Variants in ZC3H7A observed in about 807,000 individuals in gnomAD.
ZC3H7A encodes the protein zinc finger CCCH-type containing 7A.
In ZC3H7A, 44 loss-of-function variants were observed where a neutral mutation model predicts 125.5. The ratio of observed to expected loss-of-function variants is 0.35; its 90% CI spans 0.28 to 0.45. The LOEUF (loss-of-function observed/expected upper bound fraction) is 0.45. Among genes scored for constraint, ZC3H7A ranks in the 20% least tolerant of loss-of-function variants. The pLI is 1.00. For missense variants in ZC3H7A, 977 were observed against 1,170.7 expected, an observed-to-expected ratio of 0.83 and a Z score of 2.41; for synonymous variants, 399 against 391.2, an observed-to-expected ratio of 1.02 and a Z score of -0.23.
chr16:11,780,127 CTT>C (rs71406291), intron 3 of ZC3H7A, among the ~76,000 whole-genome samples: 5 of 141,454 alleles, frequency 3.5e-5, no homozygotes, highest in Admixed American at 2.1e-4. Flanking sequence ...TTTTTCTTTT[CTT>C]TTTTTTTTTT....
At chr16:11,787,979 G>A (rs1596404935) in intron 1 of ZC3H7A, among the ~76,000 whole-genome samples, 2 of 151,938 alleles carry the variant, frequency 1.3e-5, no homozygotes, top group South Asian at 4.1e-4. Context: ...GGGATTACAG[G>A]TGTGAGCCCC....
intron 22 of ZC3H7A, among the ~76,000 whole-genome samples, chr16:11,751,909 T>G (rs952783548): frequency 6.6e-6 from 1 of 150,864 alleles, no homozygotes; most frequent in Non-Finnish European, 1.5e-5. Flanking sequence ...AAACCTTTTT[T>G]TTTTTTTTTT....
Position 11,765,041 on chromosome 16 carries a change from C to A in ZC3H7A, c.1820+12G>T. On this transcript the variant is annotated intron_variant, in intron 15 of 22. Coordinates refer to ENST00000355758, the MANE Select transcript of ZC3H7A (RefSeq NM_014153.4). The surrounding 1 kb of genome is among the most constrained non-coding windows in gnomAD (Gnocchi z 4.8). The stretch of plus-strand genomic sequence containing the variant: ...ATTTTGTCATTACAGAAATTAGAAA[C>A]TATCAACATACTTATTGTCTTCAAA... 2.0e-6 allele frequency: 3 copies of A among 1,509,048 alleles called. No homozygotes were observed. The highest frequency in any genetic ancestry group is 2.7e-6 in the Non-Finnish European group (3 of 1,113,302). The allele number at this position is 1,509,048 out of a possible 1,614,324, so 93.5% of individuals were successfully genotyped here.
At chr16:11,767,349 TTAAGC>T in intron 13 of ZC3H7A, 63 bp downstream of exon 13, 1 of 1,228,722 alleles carries the variant, frequency 8.1e-7, no homozygotes, top group Non-Finnish European at 1.1e-6. Context: ...TATCCTGTCA[TTAAGC>T]TAAGCATGAC....
chr16:11,788,840 C>A (rs1417464879), intron 1 of ZC3H7A, among the ~76,000 whole-genome samples: 1 of 152,110 alleles, frequency 6.6e-6, no homozygotes. Context: ...TCTCGAACTC[C>A]TGACCTCGTG....
intron 18 of ZC3H7A, 148 bp downstream of exon 18, chr16:11,761,762 A>G (rs1200692484): frequency 8.7e-7 from 1 of 1,149,698 alleles, no homozygotes; most frequent in Non-Finnish European, 1.2e-6. Flanking sequence ...GGTCCTAAAA[A>G]TCTCTTCCCT....
intron 22 of ZC3H7A, among the ~76,000 whole-genome samples, chr16:11,751,730 A>G (rs1204507691): frequency 1.3e-5 from 2 of 152,178 alleles, no homozygotes; most frequent in South Asian, 2.1e-4. Context: ...TGATAGGAGA[A>G]AAAAGACTAT....
intron 1 of ZC3H7A, among the ~76,000 whole-genome samples, chr16:11,786,687 TA>T (rs2053262075): frequency 6.6e-6 from 1 of 152,202 alleles, no homozygotes; most frequent in Non-Finnish European, 1.5e-5. Context: ...TATTTGAATA[TA>T]ATATGACAGA....
intron 5 of ZC3H7A, 87 bp from the exon 6 acceptor site, chr16:11,776,619 G>C (rs913508423): frequency 2.7e-6 from 4 of 1,496,292 alleles, no homozygotes; most frequent in Admixed American, 4.5e-5. Context: ...TTCCCATCAA[G>C]ACACCTGCTT....
At chr16:11,796,338 G>A (rs558169818) in intron 1 of ZC3H7A, 7 of 152,228 alleles carry the variant, frequency 4.6e-5, no homozygotes, top group Middle Eastern at 3.2e-3. Flanking sequence ...CAAACGGCGG[G>A]GGGTCAGTGG....
intron 1 of ZC3H7A, among the ~76,000 whole-genome samples, chr16:11,793,997 G>A (rs760829358): frequency 3.3e-5 from 5 of 152,164 alleles, no homozygotes; most frequent in Admixed American, 2.6e-4. Flanking sequence ...CTCCCTCTGC[G>A]AAGAGGCTCC....
chr16:11,789,547 C>A (rs2053316036), intron 1 of ZC3H7A, among the ~76,000 whole-genome samples: 1 of 152,144 alleles, frequency 6.6e-6, no homozygotes, highest in African/African-American at 2.4e-5. Context: ...AGCCACTGCG[C>A]CCGGCCGTGC....
At chr16:11,762,846 T>A in intron 16 of ZC3H7A, 99 bp from the exon 17 acceptor site, 1 of 1,079,638 alleles carries the variant, frequency 9.3e-7, no homozygotes, top group South Asian at 1.3e-5. Context: ...GCTTCCAATC[T>A]ATTCTCATAC....
Position 11,776,753 on chromosome 16 carries a change from G to C in ZC3H7A, c.463C>G (p.Gln155Glu). 6.2e-7 allele frequency: 1 copy of C among 1,600,124 alleles called. No individual in the cohort carries two copies. Among genetic ancestry groups the C allele is most frequent in the Non-Finnish European group, 8.5e-7 (1 of 1,176,236 alleles). The change falls in exon 5 of 23, where the codon CAG becomes GAG. Residue 155 changes from glutamine to glutamate, a missense_variant and splice_region_variant. Physicochemically the swap from Gln to Glu is conservative, Grantham distance 29. Coordinates refer to ENST00000355758, the MANE Select transcript of ZC3H7A (RefSeq NM_014153.4). ...CAAATAAACTATAAATTCCATACCT[G>C]AGGCACTGCTAAGGAGCACTTTGCT... ...AVAKCSLAVP[Q>E]DEHVIKLTQE...
chr16:11,782,304 T>C lies in ZC3H7A; in HGVS notation c.51A>G (p.Glu17=). The stretch of plus-strand genomic sequence containing the variant: ...GCTCTTACTGTATAAACTGCAGTCC[T>C]TCCTTAATGTTCTGCTGCCTTTTTC... ...ERRKRQQNIK[E]GLQFIQSPLS... is the part of the protein sequence containing the mutation. Residue 17 remains glutamate, a synonymous_variant, in exon 2 of 23, where the codon GAA becomes GAG. Coordinates refer to ENST00000355758, the MANE Select transcript of ZC3H7A (RefSeq NM_014153.4). 1 of 1,614,230 alleles carries C rather than the reference T, an allele frequency of 6.2e-7. No individual in the cohort carries two copies. The highest frequency in any genetic ancestry group is 8.5e-7 in the Non-Finnish European group (1 of 1,180,036).
chr16:11,779,500 G>A, intron 3 of ZC3H7A, 137 bp from the exon 4 acceptor site: 2 of 734,512 alleles, frequency 2.7e-6, no homozygotes, highest in Non-Finnish European at 4.4e-6. Context: ...ATTGTGAGAT[G>A]CAGCCCAAGT....
chr16:11,770,590 G>C (rs1339892519), intron 10 of ZC3H7A, among the ~76,000 whole-genome samples, 193 bp downstream of exon 10: 1 of 152,156 alleles, frequency 6.6e-6, no homozygotes, highest in Non-Finnish European at 1.5e-5. Context: ...TCATGCCTTT[G>C]CTCCTGGGTC....
At position 11,782,772 on chromosome 16, in the gene ZC3H7A, G is replaced by A. The variant is rs371019878; in HGVS notation, c.-34-384C>T. 253 of 158,374 alleles carry A rather than the reference G, an allele frequency of 1.6e-3. 2 individuals carry two copies. The highest frequency in any genetic ancestry group is 2.1e-3 in the Non-Finnish European group (151 of 71,862). 9.8% of individuals were successfully genotyped at this position (158,374 alleles called of 1,614,324 possible). A position where few individuals can be genotyped will look rare whatever the true frequency, so the allele number is the denominator to read the frequency against. On this transcript the variant is annotated intron_variant, in intron 1 of 22. Coordinates refer to ENST00000355758, the MANE Select transcript of ZC3H7A (RefSeq NM_014153.4). ...CTGGGACTCAGATGCCTGCGACCACGCCTGGCTAATTTTTGTATTTTTAGG... is the reference window on the plus strand; with the variant it reads ...CTGGGACTCAGATGCCTGCGACCACACCTGGCTAATTTTTGTATTTTTAGG...
At chr16:11,781,083 AAAAAAG>A (rs1402334501) in intron 3 of ZC3H7A, among the ~76,000 whole-genome samples, 3 of 152,172 alleles carry the variant, frequency 2.0e-5, no homozygotes, top group African/African-American at 2.4e-5. Flanking sequence ...CAAGTATGCA[AAAAAAG>A]AAAAAGAAAA....
Sources: gnomAD v4.1 joint callset for allele counts (sites outside exome capture counted in the v4.1 genomes callset) on GRCh38, gnomAD v4.1.1 for gene constraint, Gnocchi (gnomAD v3.1) non-coding constraint, MANE v1.5 for transcripts, NCBI Gene and HGNC (gene_info 2026-07-23, HGNC 2026-07-21) for gene names.